Variants in CACNA1G observed in about 807,000 individuals in gnomAD.
CACNA1G encodes calcium voltage-gated channel subunit alpha1 G.
In CACNA1G, 67 loss-of-function variants were observed where a neutral mutation model predicts 219.4. That is an observed-to-expected ratio of 0.31 (90% CI 0.25 to 0.37). The LOEUF (loss-of-function observed/expected upper bound fraction) is 0.37, where lower values mean the gene tolerates loss of function less well. CACNA1G is among the 10% of genes least tolerant of loss of function. CACNA1G has a pLI of 1.00. For synonymous variants in CACNA1G, 1,296 were observed against 1,345.3 expected, an observed-to-expected ratio of 0.96 and a Z score of 0.80; for missense variants, 2,380 against 3,231.4, an observed-to-expected ratio of 0.74 and a Z score of 6.39.
chr17:50,617,866 G>C lies in CACNA1G; in HGVS notation c.5163G>C (p.Lys1721Asn). ...MRVLRIARVL[K>N]LLKMAVGMRA... ...CGTTGTCCTGTTCTGCAGTGCTGAA[G>C]CTGCTGAAGATGGCTGTGGGCATGC... Residue 1721 changes from lysine to asparagine, a missense_variant, in exon 30 of 38, where the codon AAG becomes AAC. Transcript: ENST00000359106. This position sits in a 1 kb window ranked among gnomAD's most constrained non-coding sequence, Gnocchi z 5.8. 6.2e-7 allele frequency: 1 copy of C among 1,613,680 alleles called. No homozygotes were observed. The highest frequency in any genetic ancestry group is 8.5e-7 in the Non-Finnish European group (1 of 1,179,882).
chr17:50,609,862 GT>G lies in CACNA1G; in HGVS notation c.4706-19del. On this transcript the variant is annotated intron_variant, in intron 25 of 37. Coordinates refer to ENST00000359106, the MANE Select transcript of CACNA1G (RefSeq NM_018896.5). Reference sequence around the variant, plus strand: ...GCACCTGGTCCGGCCAGTGACCAATGTCGTGTTTCGTTCTTTTAGATCTAAT... The same window carrying G: ...GCACCTGGTCCGGCCAGTGACCAATGCGTGTTTCGTTCTTTTAGATCTAAT... 6.2e-7 allele frequency: 1 copy of G among 1,609,896 alleles called. No homozygotes were observed.
intron 10 of CACNA1G, 40 bp from the exon 11 acceptor site, chr17:50,591,395 T>A: frequency 6.7e-7 from 1 of 1,482,690 alleles, no homozygotes; most frequent in South Asian, 1.3e-5. Flanking sequence ...GGGGAGAGGG[T>A]GAAGGTGCAG....
intron 19 of CACNA1G, among the ~76,000 whole-genome samples, chr17:50,601,501 G>A (rs1448801377): frequency 6.6e-6 from 1 of 152,244 alleles, no homozygotes; most frequent in Admixed American, 6.5e-5. Context: ...TGCAGATGGG[G>A]AGGCATCTTG....
At chr17:50,605,123 C>T (rs764844242) in intron 22 of CACNA1G, among the ~76,000 whole-genome samples, 4 of 152,208 alleles carry the variant, frequency 2.6e-5, no homozygotes, top group Non-Finnish European at 5.9e-5. Flanking sequence ...CCTTCCCCTT[C>T]CTCACTTCCC....
chr17:50,626,386 C>A lies in CACNA1G; in HGVS notation c.6769C>A (p.Arg2257=). 6.2e-7 allele frequency: 1 copy of A among 1,611,922 alleles called. No homozygotes were observed. ...YSVEAQSCQR[R]PTSWLDEQRR... Reference sequence around the variant, plus strand: ...CGTGGAGGCCCAGAGCTGCCAGCGCCGGCCTACGTCCTGGCTGGATGAGCA... The same window carrying A: ...CGTGGAGGCCCAGAGCTGCCAGCGCAGGCCTACGTCCTGGCTGGATGAGCA... The change falls in exon 38 of 38, where the codon CGG becomes AGG. Residue 2257 remains arginine, a synonymous_variant. Coordinates refer to ENST00000359106, the MANE Select transcript of CACNA1G (RefSeq NM_018896.5). This position sits in a 1 kb window ranked among gnomAD's most constrained non-coding sequence, Gnocchi z 4.3.
chr17:50,593,440 C>T (rs539066133), intron 13 of CACNA1G, among the ~76,000 whole-genome samples: 10 of 152,252 alleles, frequency 6.6e-5, no homozygotes, highest in African/African-American at 2.2e-4. Context: ...GCCACTCAGC[C>T]GCCAAGGCAG....
chr17:50,616,450 A>G (rs1281262740), intron 28 of CACNA1G, 66 bp downstream of exon 28: 4 of 966,928 alleles, frequency 4.1e-6, no homozygotes, highest in Non-Finnish European at 6.5e-6. Flanking sequence ...CTCTTGGGGA[A>G]ATACCCAGGA....
chr17:50,625,844 G>A (rs1297561915), intron 37 of CACNA1G, among the ~76,000 whole-genome samples, 173 bp from the exon 38 acceptor site: 24 of 152,130 alleles, frequency 1.6e-4, no homozygotes, highest in Non-Finnish European at 1.5e-5. Context: ...GGACAACAGA[G>A]GTCAGGCTGC....
In CACNA1G at chr17:50,618,104, C is replaced by A; in HGVS notation, c.5283C>A (p.Gly1761=). ...MLLFFIFAAL[G]VELFGDLECD... ...TGTTTTTCATCTTTGCAGCTCTGGG[C>A]GTGGAGCTCTTTGGAGACCTGGGTG... Residue 1761 remains glycine, a synonymous_variant, in exon 31 of 38, where the codon GGC becomes GGA. Coordinates refer to ENST00000359106, the MANE Select transcript of CACNA1G (RefSeq NM_018896.5). This position sits in a 1 kb window ranked among gnomAD's most constrained non-coding sequence, Gnocchi z 5.3. 1 of 1,613,850 alleles carries A rather than the reference C, an allele frequency of 6.2e-7. No homozygotes were observed. Among genetic ancestry groups the A allele is most frequent in the Non-Finnish European group, 8.5e-7 (1 of 1,179,844 alleles).
rs1435606400 is a variant in CACNA1G at position 50,618,347 on chromosome 17, A to G, written c.5427+4A>G. 1 of 1,613,358 alleles carries G rather than the reference A, an allele frequency of 6.2e-7. No homozygotes were observed. The highest frequency in any genetic ancestry group is 1.7e-5 in the Admixed American group (1 of 60,000). On this transcript the variant is annotated splice_donor_region_variant and intron_variant, in intron 32 of 37. Transcript: ENST00000359106. The surrounding 1 kb of genome is among the most constrained non-coding windows in gnomAD (Gnocchi z 5.3). ...CAATTGGAATGGCATTATGAAGGTA[A>G]GGGCCCAGGGTTGGCCTAGGCTCCA...
intron 16 of CACNA1G, among the ~76,000 whole-genome samples, chr17:50,597,812 C>T (rs1267942845): frequency 6.6e-6 from 1 of 152,230 alleles, no homozygotes; most frequent in Non-Finnish European, 1.5e-5. Context: ...TCTCCCAACC[C>T]CAGCCTCTGC....
At chr17:50,595,093 C>A in intron 14 of CACNA1G, 32 bp downstream of exon 14, 1 of 1,526,322 alleles carries the variant, frequency 6.6e-7, no homozygotes, top group Non-Finnish European at 8.9e-7. Context: ...GGCATGCCTC[C>A]CGTGCCCCAT....
rs1162774844 is a variant in CACNA1G, at chr17:50,603,965, T to A, written c.4170-190T>A. On this transcript the variant is annotated intron_variant, in intron 21 of 37. Transcript: ENST00000359106. This position sits in a 1 kb window ranked among gnomAD's most constrained non-coding sequence, Gnocchi z 6.4. ...TGGAGATGTGGGGCATGGGGATCTCTGCCACTTGTTTTGAGAGATTACAAT... is the reference window on the plus strand; with the variant it reads ...TGGAGATGTGGGGCATGGGGATCTCAGCCACTTGTTTTGAGAGATTACAAT... Among the ~76,000 whole-genome samples, 1 of 152,204 alleles carries A rather than the reference T, an allele frequency of 6.6e-6. No homozygotes were observed. Among genetic ancestry groups the A allele is most frequent in the Admixed American group, 6.5e-5 (1 of 15,290 alleles).
intron 21 of CACNA1G, 95 bp from the exon 22 acceptor site, chr17:50,604,060 C>A: frequency 2.3e-6 from 3 of 1,318,198 alleles, no homozygotes; most frequent in Non-Finnish European, 3.1e-6. Context: ...AGGAAGGGAC[C>A]AGTGGTCAAG....
chr17:50,599,222 GCA>G (rs2046138504), intron 16 of CACNA1G, among the ~76,000 whole-genome samples: 1 of 152,232 alleles, frequency 6.6e-6, no homozygotes, highest in South Asian at 2.1e-4. Context: ...GGAAACAGAT[GCA>G]CAGAGAGGCT....
chr17:50,561,067 C>T lies in CACNA1G; in HGVS notation c.-393C>T. Reference sequence around the variant, plus strand: ...AAGAGGGGGCGCCCCTCCCCGGACCCCCGCCCTCCGCCGCTGCCCCCCTTT... The same window carrying T: ...AAGAGGGGGCGCCCCTCCCCGGACCTCCGCCCTCCGCCGCTGCCCCCCTTT... On this transcript the variant is annotated 5_prime_UTR_variant, in exon 1 of 38. Transcript: ENST00000359106. The T allele has an allele frequency of 5.1e-6, 2 of 394,362 alleles. No homozygotes were observed. The highest frequency in any genetic ancestry group is 1.8e-5 in the South Asian group (1 of 55,104). 24.4% of individuals were successfully genotyped at this position (394,362 alleles called of 1,614,324 possible).
rs553777735 is a variant in CACNA1G, at chr17:50,600,533, G to A, written c.3691-193G>A. Among the ~76,000 whole-genome samples the A allele has an allele frequency of 6.6e-6, 1 of 152,000 alleles. No individual in the cohort carries two copies. The highest frequency in any genetic ancestry group is 1.5e-5 in the Non-Finnish European group (1 of 67,976). On this transcript the variant is annotated intron_variant, in intron 17 of 37. Transcript: ENST00000359106. This position sits in a 1 kb window ranked among gnomAD's most constrained non-coding sequence, Gnocchi z 4.1. ...GAGAGGCAAGGGGTCCTCAGGGATG[G>A]GGAGGGGGCCTGGCAAGGTTGACAG...
In CACNA1G at chr17:50,617,263, G is replaced by C. The variant is rs965467933; in HGVS notation, c.5022-175G>C. Among the ~76,000 whole-genome samples the C allele has an allele frequency of 6.6e-6, 1 of 152,152 alleles. No individual in the cohort carries two copies. Among genetic ancestry groups the C allele is most frequent in the African/African-American group, 2.4e-5 (1 of 41,448 alleles). The stretch of plus-strand genomic sequence containing the variant: ...TTGAGCTAAAGTCCTAGTCCTACTC[G>C]TGCCACCAGTTGGCTGTGTGGCCTT... On this transcript the variant is annotated intron_variant, in intron 28 of 37. Transcript: ENST00000359106. The surrounding 1 kb of genome is among the most constrained non-coding windows in gnomAD (Gnocchi z 5.8).
rs1266963515 is a variant in CACNA1G at position 50,619,671 on chromosome 17, C to A, written c.5782-12C>A. On this transcript the variant is annotated splice_polypyrimidine_tract_variant and intron_variant, in intron 33 of 37. Transcript: ENST00000359106. ...CTGCCTCTCCGGCTCCCCTTACGGGCTGGCTCCCCAGGACAGGCAGCTGTT... is the reference window on the plus strand; with the variant it reads ...CTGCCTCTCCGGCTCCCCTTACGGGATGGCTCCCCAGGACAGGCAGCTGTT... 1.9e-5 allele frequency: 31 copies of A among 1,606,522 alleles called. No homozygotes were observed. Among genetic ancestry groups the A allele is most frequent in the Non-Finnish European group, 2.5e-5 (29 of 1,178,274 alleles).
Sources: gnomAD v4.1 joint callset for allele counts (sites outside exome capture counted in the v4.1 genomes callset) on GRCh38, gnomAD v4.1.1 for gene constraint, Gnocchi (gnomAD v3.1) non-coding constraint, MANE v1.5 for transcripts, NCBI Gene and HGNC (gene_info 2026-07-23, HGNC 2026-07-21) for gene names.